TRIM14: variants seen among roughly 807,000 people sequenced by gnomAD.
The protein encoded by TRIM14 is tripartite motif containing 14.
Under a neutral mutation model 44.5 loss-of-function variants are expected in TRIM14, and 28 were observed. The ratio of observed to expected loss-of-function variants is 0.63; its 90% confidence interval spans 0.47 to 0.86. TRIM14 has a LOEUF of 0.86. Among genes scored for constraint, TRIM14 ranks in the 40% least tolerant of loss-of-function variants. The pLI, the probability that TRIM14 is intolerant of heterozygous loss-of-function variation, is 0.00. For missense variants in TRIM14, 607 were observed against 611.1 expected (o/e 0.99, Z 0.07); for synonymous variants, 299 against 269.2 (o/e 1.11, Z -1.08).
chr9:98,107,962 T>G (rs1011767140), intron 2 of TRIM14, among the ~76,000 whole-genome samples: 24 of 152,086 alleles, frequency 1.6e-4, no homozygotes, highest in African/African-American at 5.6e-4. Flanking sequence ...GCCACCTCGC[T>G]TGGCCTAGAA....
chr9:98,073,779 T>A lies in TRIM14; in HGVS notation c.*29-4092A>T, dbSNP rs566196524. Reference sequence around the variant, plus strand: ...GTGTTGTCCACCCTCATTCATTAATTGATTTAGAATCAATAAAGGGTTTTT... The same window carrying A: ...GTGTTGTCCACCCTCATTCATTAATAGATTTAGAATCAATAAAGGGTTTTT... On this transcript the variant is annotated intron_variant, in intron 6 of 6. Transcript: ENST00000375098. 4.6e-5 allele frequency among the ~76,000 whole-genome samples: 7 copies of A among 151,170 alleles called. No individual in the cohort carries two copies. The East Asian group carries it at 1.4e-3, about 29-fold the overall frequency.
At chr9:98,072,086 C>G (rs1003597742) in intron 6 of TRIM14, among the ~76,000 whole-genome samples, 2 of 152,188 alleles carry the variant, frequency 1.3e-5, no homozygotes, top group Non-Finnish European at 2.9e-5. Context: ...TAGAGTCAGG[C>G]TCTCTGAGCT....
chr9:98,071,701 T>C (rs1829344514), intron 6 of TRIM14, among the ~76,000 whole-genome samples: 1 of 152,166 alleles, frequency 6.6e-6, no homozygotes, highest in South Asian at 2.1e-4. Flanking sequence ...ACCATTTCAT[T>C]TTCCGTGTGT....
At chr9:98,080,644 CA>C (rs1166344149), downstream of TRIM14, among the ~76,000 whole-genome samples, 10 of 152,216 alleles carry the variant, frequency 6.6e-5, no homozygotes, top group African/African-American at 2.2e-4. Flanking sequence ...CAACACTCAG[CA>C]GGTATTATTA....
the TRIM14 span, among the ~76,000 whole-genome samples, chr9:98,058,280 A>G: frequency 3.9e-5 from 6 of 152,164 alleles, no homozygotes; most frequent in South Asian, 1.2e-3. Flanking sequence ...AATACTTTAC[A>G]AAAATAACAT....
At chr9:98,082,146 G>T (rs1587933442), downstream of TRIM14, 1 of 152,274 alleles carries the variant, frequency 6.6e-6, no homozygotes, top group South Asian at 2.1e-4. Flanking sequence ...TGAGCTTCAG[G>T]TACCCTTCAT....
chr9:98,110,282 G>A, intron 1 of TRIM14: 1 of 373,282 alleles, frequency 2.7e-6, no homozygotes, highest in South Asian at 2.8e-5. Context: ...TTTCAAGTGG[G>A]ACTTTAAGGC....
At chr9:98,042,604 G>A in the TRIM14 span, among the ~76,000 whole-genome samples, 1 of 152,178 alleles carries the variant, frequency 6.6e-6, no homozygotes, top group Non-Finnish European at 1.5e-5. Flanking sequence ...GGGCGCAATG[G>A]CTCAAGCCTG....
At chr9:98,065,204 GT>G (rs1829100974), downstream of TRIM14, among the ~76,000 whole-genome samples, 1 of 151,892 alleles carries the variant, frequency 6.6e-6, no homozygotes, top group African/African-American at 2.4e-5. Flanking sequence ...GAGATTGTAT[GT>G]GGTGTCCTCT....
At chr9:98,081,150 G>A (rs1472429030), downstream of TRIM14, 4 of 1,589,376 alleles carry the variant, frequency 2.5e-6, no homozygotes, top group Non-Finnish European at 3.4e-6. Context: ...GGCCTGAGAG[G>A]GATGGTCAGG....
chr9:98,072,137 A>G (rs1829364102), intron 6 of TRIM14, among the ~76,000 whole-genome samples: 1 of 152,116 alleles, frequency 6.6e-6, no homozygotes, highest in Non-Finnish European at 1.5e-5. Flanking sequence ...TGGGCTCCTC[A>G]TGTAACCTTG....
downstream of TRIM14, chr9:98,081,326 C>T: frequency 1.8e-6 from 1 of 547,440 alleles, no homozygotes; most frequent in Non-Finnish European, 3.2e-6. Context: ...CCTAGGGTCA[C>T]ATTAGAGTCT....
chr9:98,038,524 T>C, the TRIM14 span, among the ~76,000 whole-genome samples: 3 of 152,208 alleles, frequency 2.0e-5, no homozygotes, highest in African/African-American at 7.2e-5. Flanking sequence ...ACTACGTTAC[T>C]TTACTGAAAA....
chr9:98,036,811 A>G, the TRIM14 span, among the ~76,000 whole-genome samples: 2 of 152,210 alleles, frequency 1.3e-5, no homozygotes, highest in Non-Finnish European at 2.9e-5. Flanking sequence ...TCTCAAAAAA[A>G]CAAAACAAAA....
chr9:98,042,878 A>AG, the TRIM14 span, among the ~76,000 whole-genome samples: 8 of 152,152 alleles, frequency 5.3e-5, no homozygotes, highest in Admixed American at 2.0e-4. Flanking sequence ...CAAAAAAAAA[A>AG]AAAAAGAGTT....
chr9:98,049,132 A>G, the TRIM14 span, among the ~76,000 whole-genome samples: 1 of 151,570 alleles, frequency 6.6e-6, no homozygotes, highest in Non-Finnish European at 1.5e-5. Context: ...ACCTGAGGTC[A>G]GGAGTTTGAG....
At chr9:98,054,800 A>G in the TRIM14 span, among the ~76,000 whole-genome samples, 1 of 152,186 alleles carries the variant, frequency 6.6e-6, no homozygotes, top group Admixed American at 6.5e-5. Context: ...GGTCTACAGA[A>G]CCGGGGCAGG....
In TRIM14 at chr9:98,091,944, G is replaced by C; in HGVS notation, c.758C>G (p.Thr253Ser). Reference protein sequence around the residue: ...SSTKPGTLLKTSPSPERSLLL... With the variant: ...SSTKPGTLLKSSPSPERSLLL... ...TAGCGATCGCTCTGGTGAGGGGCTGGTTTTCAACAAGGTACCTGGCTTGGT... is the reference window on the plus strand; with the variant it reads ...TAGCGATCGCTCTGGTGAGGGGCTGCTTTTCAACAAGGTACCTGGCTTGGT... Residue 253 changes from threonine to serine, a missense_variant, in exon 5 of 6, where the codon ACC becomes AGC. By Grantham distance (58) the Thr-to-Ser change is moderately conservative. Transcript: ENST00000341469. 6.2e-7 allele frequency: 1 copy of C among 1,610,750 alleles called. No homozygotes were observed.
intron 1 of TRIM14, among the ~76,000 whole-genome samples, chr9:98,110,853 TAA>T (rs1326211309): frequency 6.9e-6 from 1 of 144,634 alleles, no homozygotes; most frequent in African/African-American, 2.6e-5. Flanking sequence ...CCACAAAAAA[TAA>T]AATAAAATAA....
Sources: gnomAD v4.1 joint callset for allele counts (sites outside exome capture counted in the v4.1 genomes callset) on GRCh38, gnomAD v4.1.1 for gene constraint, MANE v1.5 for transcripts, NCBI Gene and HGNC (gene_info 2026-07-23, HGNC 2026-07-21) for gene names.